The following CLSTN2 variants were observed in gnomAD, a reference collection of about 807,000 sequenced individuals.
CLSTN2 encodes calsyntenin-2.
Under a neutral mutation model 101.2 loss-of-function variants are expected in CLSTN2, and 48 were observed. That is an observed-to-expected ratio of 0.47 (90% CI 0.38 to 0.60). The LOEUF is 0.60. Ranked by LOEUF, CLSTN2 falls within the 20% of genes least tolerant of loss-of-function variation. CLSTN2 has a pLI of 0.00. For synonymous variants in CLSTN2, 481 were observed against 463.6 expected, an observed-to-expected ratio of 1.04 and a Z score of -0.48; for missense variants, 1,160 against 1,238.2, an observed-to-expected ratio of 0.94 and a Z score of 0.95.
At chr3:140,155,485 G>A (rs2009939483) in intron 1 of CLSTN2, among the ~76,000 whole-genome samples, 1 of 152,186 alleles carries the variant, frequency 6.6e-6, no homozygotes, top group African/African-American at 2.4e-5. Context: ...GGCAGTCAGA[G>A]GCGAGGAGTT....
At chr3:140,531,065 AC>A (rs1338976434) in intron 8 of CLSTN2, among the ~76,000 whole-genome samples, 1 of 151,830 alleles carries the variant, frequency 6.6e-6, no homozygotes. Flanking sequence ...TCTTGGGGTC[AC>A]CCCACCCCAA....
chr3:140,227,041 T>C (rs959612352), intron 2 of CLSTN2, among the ~76,000 whole-genome samples: 1 of 152,114 alleles, frequency 6.6e-6, no homozygotes, highest in African/African-American at 2.4e-5. Flanking sequence ...CCCTCCCAAA[T>C]CTCATGTCCT....
chr3:139,979,773 A>T (rs1246285971), intron 1 of CLSTN2, among the ~76,000 whole-genome samples: 1 of 152,030 alleles, frequency 6.6e-6, no homozygotes, highest in African/African-American at 2.4e-5. Context: ...TTTCTGCTGT[A>T]TCACCATTGG....
chr3:140,174,214 A>G (rs1212040212), intron 1 of CLSTN2, among the ~76,000 whole-genome samples: 1 of 152,166 alleles, frequency 6.6e-6, no homozygotes, highest in African/African-American at 2.4e-5. Flanking sequence ...AAGTCCCACA[A>G]GTGTCTAGGG....
In CLSTN2 at chr3:140,339,108, T is replaced by C. The variant is rs372976936; in HGVS notation, c.233-64521T>C. ...CATCTGCTCCTTGGATGCTGGCTCA[T>C]GTGTGGGCTCAAGGTGGACAGTCCA... On this transcript the variant is annotated intron_variant, in intron 2 of 16. Coordinates refer to ENST00000458420, the MANE Select transcript of CLSTN2 (RefSeq NM_022131.3). 3.1e-4 allele frequency among the ~76,000 whole-genome samples: 47 copies of C among 152,306 alleles called. 2 individuals are homozygous for C. The East Asian group carries it at 3.9e-3, about 12-fold the overall frequency.
At chr3:140,532,180 A>T (rs1935268862) in intron 8 of CLSTN2, 144 bp from the exon 9 acceptor site, 1 of 507,400 alleles carries the variant, frequency 2.0e-6, no homozygotes, top group Non-Finnish European at 3.4e-6. Context: ...ACTTCAGTGT[A>T]TGTCAACTGT....
intron 1 of CLSTN2, among the ~76,000 whole-genome samples, chr3:140,051,242 GCTGT>G (rs999493251): frequency 1.3e-5 from 2 of 152,208 alleles, no homozygotes; most frequent in Admixed American, 6.5e-5. Flanking sequence ...TCAGAGAGAG[GCTGT>G]CTGGAGAAGC....
Position 140,238,637 on chromosome 3 carries a change from ACAT to A in CLSTN2, c.232+62566_232+62568del, listed in dbSNP as rs2086435565. On this transcript the variant is annotated intron_variant, in intron 2 of 16. Transcript: ENST00000458420. ...AAGAACATTTGGCCCAACTTTTACA[ACAT>A]CCATTGCAGCACACTCATTATGAGA... Among the ~76,000 whole-genome samples, 3 of 152,174 alleles carry A rather than the reference ACAT, an allele frequency of 2.0e-5. No homozygotes were observed. In the South Asian group the frequency reaches 6.2e-4, roughly 32 times the overall value.
chr3:140,390,105 C>CA (rs1013634277), intron 2 of CLSTN2, among the ~76,000 whole-genome samples: 211 of 147,476 alleles, frequency 1.4e-3, no homozygotes, highest in African/African-American at 5.1e-3. Flanking sequence ...AAAAAAAATA[C>CA]ATAACATATT....
chr3:140,524,538 G>T (rs1427862308), intron 8 of CLSTN2, among the ~76,000 whole-genome samples: 1 of 152,150 alleles, frequency 6.6e-6, no homozygotes, highest in Non-Finnish European at 1.5e-5. Flanking sequence ...GATCATTGAG[G>T]CAGAAAACAA....
intron 1 of CLSTN2, among the ~76,000 whole-genome samples, chr3:139,998,357 G>GTTTTTTTTTTTTTTTTTTTTT (rs2006732492): frequency 1.7e-4 from 1 of 6,024 alleles, no homozygotes; most frequent in Non-Finnish European, 3.7e-4. Context: ...TTTTTTTTTT[G>GTTTTTTTTTTTTTTTTTTTTT]TGACGGAGTC....
intron 10 of CLSTN2, among the ~76,000 whole-genome samples, chr3:140,552,494 T>C (rs1485792101): frequency 6.6e-6 from 1 of 151,886 alleles, no homozygotes; most frequent in Non-Finnish European, 1.5e-5. Context: ...AGTGCCCACA[T>C]TCATGCGCTG....
chr3:140,343,017 G>A (rs569924509), intron 2 of CLSTN2, among the ~76,000 whole-genome samples: 4 of 152,182 alleles, frequency 2.6e-5, no homozygotes, highest in South Asian at 2.1e-4. Flanking sequence ...CCTCCCAGAC[G>A]GGAGGAGTAG....
At chr3:140,401,304 T>C (rs910172569) in intron 2 of CLSTN2, among the ~76,000 whole-genome samples, 6 of 152,216 alleles carry the variant, frequency 3.9e-5, no homozygotes, top group African/African-American at 1.4e-4. Context: ...TTGTCTGTCT[T>C]TTCTATCAGG....
chr3:140,363,171 A>G (rs548193198), intron 2 of CLSTN2, among the ~76,000 whole-genome samples: 4 of 152,360 alleles, frequency 2.6e-5, no homozygotes, highest in African/African-American at 7.2e-5. Flanking sequence ...ACTAATAAAC[A>G]GTACAACATA....
At chr3:140,520,414 T>C (rs901885679) in intron 8 of CLSTN2, among the ~76,000 whole-genome samples, 14 of 152,110 alleles carry the variant, frequency 9.2e-5, no homozygotes, top group African/African-American at 3.1e-4. Flanking sequence ...AAAGGAGAAA[T>C]AGGCACCTTC....
chr3:140,379,618 G>C (rs181228513), intron 2 of CLSTN2, among the ~76,000 whole-genome samples: 4 of 152,160 alleles, frequency 2.6e-5, no homozygotes, highest in African/African-American at 9.7e-5. Context: ...AAGTAAAATA[G>C]CAAAACACAG....
chr3:140,183,418 C>A (rs1191601266), intron 2 of CLSTN2, among the ~76,000 whole-genome samples: 3 of 152,162 alleles, frequency 2.0e-5, no homozygotes, highest in Admixed American at 1.3e-4. Context: ...CAGGTTAGAA[C>A]ACTTGAGCAC....
At chr3:140,431,050 T>A (rs1228204684) in intron 5 of CLSTN2, among the ~76,000 whole-genome samples, 2 of 152,242 alleles carry the variant, frequency 1.3e-5, no homozygotes, top group Non-Finnish European at 2.9e-5. Flanking sequence ...CTGCATGTCC[T>A]TAAGCAATGT....
Sources: gnomAD v4.1 joint callset for allele counts (sites outside exome capture counted in the v4.1 genomes callset) on GRCh38, gnomAD v4.1.1 for gene constraint, MANE v1.5 for transcripts, NCBI Gene and HGNC (gene_info 2026-07-23, HGNC 2026-07-21) for gene names.